TRIM16: variants seen among roughly 807,000 people sequenced by gnomAD.
The protein encoded by TRIM16 is tripartite motif-containing protein 16.
Under a neutral mutation model 50.4 loss-of-function variants are expected in TRIM16, and 33 were observed. That is an observed-to-expected ratio of 0.65 (90% CI 0.50 to 0.88). The LOEUF is 0.88. TRIM16 is among the 40% of genes least tolerant of loss of function. The probability of loss-of-function intolerance (pLI) is 0.00; values close to 1 mark genes in which losing one functional copy is unlikely to be tolerated. For synonymous variants in TRIM16, 229 were observed against 270.7 expected, an observed-to-expected ratio of 0.85 and a Z score of 1.51; for missense variants, 581 against 686.8, an observed-to-expected ratio of 0.85 and a Z score of 1.72.
intron 8 of TRIM16, among the ~76,000 whole-genome samples, chr17:15,637,675 C>T (rs1362617981): frequency 4.4e-4 from 59 of 133,916 alleles, no homozygotes; most frequent in East Asian, 3.0e-3. Context: ...AGGTGAGGGG[C>T]GCCTCTGCCC....
At chr17:15,660,340 C>T (rs964831928) in intron 6 of TRIM16, among the ~76,000 whole-genome samples, 7 of 152,312 alleles carry the variant, frequency 4.6e-5, no homozygotes, top group African/African-American at 1.4e-4. Flanking sequence ...CAGCCAAGTC[C>T]GCTAGGGATG....
intron 6 of TRIM16, among the ~76,000 whole-genome samples, chr17:15,675,833 A>C (rs1166687266): frequency 6.8e-6 from 1 of 147,574 alleles, no homozygotes; most frequent in Non-Finnish European, 1.5e-5. Flanking sequence ...ATAATATAAA[A>C]ATATATATAT....
chr17:15,669,908 C>T (rs1444729045), intron 6 of TRIM16, among the ~76,000 whole-genome samples: 3 of 152,166 alleles, frequency 2.0e-5, no homozygotes, highest in Non-Finnish European at 4.4e-5. Flanking sequence ...ACCCCCTCCC[C>T]CAATTGTGAC....
chr17:15,632,343 C>T (rs1294597221), intron 10 of TRIM16, among the ~76,000 whole-genome samples, 166 bp downstream of exon 10: 1 of 152,044 alleles, frequency 6.6e-6, no homozygotes, highest in Non-Finnish European at 1.5e-5. Context: ...CGCCATTGCA[C>T]TCCAGCCTGG....
Position 15,667,756 on chromosome 17 carries a change from C to CA in TRIM16, c.-338+9419dup, listed in dbSNP as rs542439151. 2.0e-4 allele frequency among the ~76,000 whole-genome samples: 31 copies of CA among 152,276 alleles called. No individual in the cohort carries two copies. In the East Asian group the frequency reaches 5.8e-3, roughly 28 times the overall value. On this transcript the variant is annotated intron_variant, in intron 6 of 11. Coordinates refer to ENST00000649191, the MANE Select transcript of TRIM16 (RefSeq NM_001348119.1). The stretch of plus-strand genomic sequence containing the variant: ...CCCAATAGGGGTACATAAGACCCTT[C>CA]AATCTTTCTACCACAGGGGTACACA...
At chr17:15,662,074 G>C (rs1988264376) in intron 6 of TRIM16, among the ~76,000 whole-genome samples, 1 of 152,170 alleles carries the variant, frequency 6.6e-6, no homozygotes, top group Admixed American at 6.5e-5. Flanking sequence ...GATGGGCTCT[G>C]TTTATCTGCA....
intron 6 of TRIM16, among the ~76,000 whole-genome samples, chr17:15,658,642 G>C (rs1347549891): frequency 6.6e-6 from 1 of 152,208 alleles, no homozygotes; most frequent in Non-Finnish European, 1.5e-5. Context: ...TGAAATAATA[G>C]TAATGAGTGT....
At chr17:15,678,566 G>GT (rs1989044615) in intron 4 of TRIM16, among the ~76,000 whole-genome samples, 1 of 152,180 alleles carries the variant, frequency 6.6e-6, no homozygotes, top group Non-Finnish European at 1.5e-5. Flanking sequence ...AGTGAGTTTG[G>GT]AAGCCATATG....
chr17:15,632,640 G>A lies in TRIM16; in HGVS notation c.884C>T (p.Thr295Ile). 6.2e-7 allele frequency: 1 copy of A among 1,613,152 alleles called. No homozygotes were observed. The highest frequency in any genetic ancestry group is 8.5e-7 in the Non-Finnish European group (1 of 1,179,470). ...YCKFKNTEDI[T>I]FPSVYVGLKD... is the part of the protein sequence containing the mutation. ...CAGCCCTACGTAAACACTAGGGAAG[G>A]TGATGTCTTCAGTGTTCTTAAACTT... The change falls in exon 10 of 12, where the codon ACC (threonine) becomes ATC (isoleucine). Residue 295 changes from threonine to isoleucine, a missense_variant. Transcript: ENST00000649191.
intron 6 of TRIM16, among the ~76,000 whole-genome samples, chr17:15,662,393 G>A (rs1268910874): frequency 6.6e-6 from 1 of 152,212 alleles, no homozygotes; most frequent in Admixed American, 6.5e-5. Flanking sequence ...TTGAGTCCCA[G>A]ATTCCTTAAC....
In TRIM16 at chr17:15,632,579, C is replaced by T. The variant is rs768499211; in HGVS notation, c.945G>A (p.Thr315=). Residue 315 remains threonine (T), a synonymous_variant, in exon 10 of 12, where the codon ACG becomes ACA. Transcript: ENST00000649191. ...DKLSGIRKVI[T]ESTVHLIQLL... is the part of the protein sequence containing the mutation. ...ACTGGATTAAGTGTACAGTGGATTC[C>T]GTGATAACTTTGCGGATGCCCGAGA... is the stretch of plus-strand genomic sequence containing the variant. The T allele has an allele frequency of 1.4e-5, 23 of 1,613,804 alleles. 1 individual carries two copies. Among genetic ancestry groups the T allele is most frequent in the South Asian group, 3.3e-5 (3 of 91,066 alleles).
At chr17:15,647,036 G>C (rs998835749) in intron 7 of TRIM16, among the ~76,000 whole-genome samples, 4 of 151,104 alleles carry the variant, frequency 2.6e-5, no homozygotes, top group Admixed American at 2.0e-4. Context: ...GCGCGATCTC[G>C]GTTCACTGCA....
At chr17:15,664,304 A>T (rs1487191978) in intron 6 of TRIM16, among the ~76,000 whole-genome samples, 1 of 152,220 alleles carries the variant, frequency 6.6e-6, no homozygotes, top group Non-Finnish European at 1.5e-5. Flanking sequence ...GTTAAGCTGA[A>T]AAAGTATGAA....
At chr17:15,672,684 G>A (rs1259567241) in intron 6 of TRIM16, among the ~76,000 whole-genome samples, 1 of 152,148 alleles carries the variant, frequency 6.6e-6, no homozygotes, top group East Asian at 1.9e-4. Context: ...AGTGAGCTGT[G>A]ATGGCGTCAC....
chr17:15,668,671 C>A (rs1597662826), intron 6 of TRIM16, among the ~76,000 whole-genome samples: 1 of 152,238 alleles, frequency 6.6e-6, no homozygotes, highest in Non-Finnish European at 1.5e-5. Context: ...AAACACACCA[C>A]CAAACATTCT....
At position 15,631,864 on chromosome 17, in the gene TRIM16, C is replaced by G; in HGVS notation, c.1016-150G>C. The G allele has an allele frequency of 5.9e-6, 4 of 679,534 alleles. 1 individual carries two copies. In the South Asian group the frequency reaches 7.3e-5, roughly 12 times the overall value. The allele number at this position is 679,534 out of a possible 1,614,324, so 42.1% of individuals were successfully genotyped here. ...GTTTCACAGAAATACGCTCAATAGA[C>G]TACATTTCTTTCATAGGTAAGGCAT... On this transcript the variant is annotated intron_variant, in intron 10 of 11. Transcript: ENST00000649191.
At position 15,680,443 on chromosome 17, in the gene TRIM16, C is replaced by T. The variant is rs77025337; in HGVS notation, c.-590+422G>A. Among the ~76,000 whole-genome samples the T allele has an allele frequency of 5.8e-3, 875 of 151,800 alleles. 21 individuals are homozygous for T. The East Asian group carries it at 0.075, about 13-fold the overall frequency. ...TCTAAGCAGATGCAAGCAAGAAATG[C>T]CTCACGTGCCTTTGCATATCTATGC... On this transcript the variant is annotated intron_variant, in intron 4 of 11. Coordinates refer to ENST00000649191, the MANE Select transcript of TRIM16 (RefSeq NM_001348119.1).
chr17:15,664,899 G>A (rs982923929), intron 6 of TRIM16, among the ~76,000 whole-genome samples: 1 of 152,094 alleles, frequency 6.6e-6, no homozygotes, highest in Non-Finnish European at 1.5e-5. Context: ...AGGTGTGGTG[G>A]CATGTGCCTA....
At chr17:15,652,585 TGA>T (rs904279615) in intron 6 of TRIM16, among the ~76,000 whole-genome samples, 1 of 147,554 alleles carries the variant, frequency 6.8e-6, no homozygotes, top group African/African-American at 2.5e-5. Context: ...CTCAGCCTCC[TGA>T]GTAGCTGGGA....
Sources: gnomAD v4.1 joint callset for allele counts (sites outside exome capture counted in the v4.1 genomes callset) on GRCh38, gnomAD v4.1.1 for gene constraint, MANE v1.5 for transcripts, NCBI Gene and HGNC (gene_info 2026-07-23, HGNC 2026-07-21) for gene names.